The following FGF13 variants were observed in gnomAD, a reference collection of about 807,000 sequenced individuals.
The protein encoded by FGF13 is fibroblast growth factor homologous factor 2.
In FGF13, 2 loss-of-function variants were observed where a neutral mutation model predicts 19.5. The ratio of observed to expected loss-of-function variants is 0.10; its 90% CI spans 0.04 to 0.32. FGF13 has a LOEUF of 0.32. Among genes scored for constraint, FGF13 ranks in the 10% least tolerant of loss-of-function variants. The pLI, the probability that FGF13 is intolerant of heterozygous loss-of-function variation, is 1.00. For synonymous variants in FGF13, 72 were observed against 76.9 expected, an observed-to-expected ratio of 0.94 and a Z score of 0.33; for missense variants, 113 against 192.7, an observed-to-expected ratio of 0.59 and a Z score of 2.45.
chrX:139,157,379 T>C (rs1379244336), intron 1 of FGF13, among the ~76,000 whole-genome samples: 1 of 112,035 alleles, frequency 8.9e-6, no homozygotes, highest in African/African-American at 3.2e-5. Context: ...TGCTATGGTT[T>C]AAATGTATCC....
chrX:138,887,974 C>T (rs1278878474), intron 1 of FGF13, among the ~76,000 whole-genome samples: 1 of 112,121 alleles, frequency 8.9e-6, no homozygotes, highest in African/African-American at 3.2e-5. Context: ...TTTCTCTCCT[C>T]AGAGCTTCTC....
At chrX:138,771,384 T>C (rs1412222196) in intron 3 of FGF13, among the ~76,000 whole-genome samples, 4 of 111,811 alleles carry the variant, frequency 3.6e-5, no homozygotes, top group East Asian at 2.8e-4. Context: ...AGATGAAATA[T>C]AGGGTGCCAA....
intron 3 of FGF13, among the ~76,000 whole-genome samples, chrX:138,697,401 C>A (rs1332886233): frequency 9.1e-6 from 1 of 109,988 alleles, no homozygotes; most frequent in Non-Finnish European, 1.9e-5. Context: ...ATCAGTAACA[C>A]AAGCTGTCTC....
intron 1 of FGF13, among the ~76,000 whole-genome samples, chrX:138,874,595 A>C (rs1192007552): frequency 8.9e-6 from 1 of 111,737 alleles, no homozygotes. Flanking sequence ...AGCTTGAAAA[A>C]GATGTTTTGG....
In FGF13 at chrX:138,937,116, C is replaced by G. The variant is rs189314559; in HGVS notation, c.-112-72466G>C. Among the ~76,000 whole-genome samples, 24 of 110,498 alleles carry G rather than the reference C, an allele frequency of 2.2e-4. No individual in the cohort carries two copies. The South Asian group carries it at 4.4e-3, about 20-fold the overall frequency. The stretch of plus-strand genomic sequence containing the variant: ...TTTTCTCTCCAGTCCATCTCTACCC[C>G]CTCCTTTATAGAGCTTAGTAGAAAC... On this transcript the variant is annotated intron_variant, in intron 1 of 2. Transcript: ENST00000421460.
upstream of FGF13, among the ~76,000 whole-genome samples, chrX:138,740,624 G>A (rs1347830133): frequency 9.0e-6 from 1 of 111,006 alleles, no homozygotes; most frequent in East Asian, 2.9e-4. Context: ...ATCAAACACC[G>A]TCCCCTATAC....
chrX:138,857,766 A>G, intron 2 of FGF13: 2 of 806,792 alleles, frequency 2.5e-6, no homozygotes, highest in Non-Finnish European at 3.3e-6. Flanking sequence ...CCCAGGGAAG[A>G]CTAAAGAAAC....
intron 1 of FGF13, chrX:138,985,188 C>T (rs2091990372): frequency 1.8e-5 from 5 of 272,129 alleles, no homozygotes; most frequent in Non-Finnish European, 3.6e-5. Context: ...TATGTTGTGA[C>T]AAGCAACTAA....
intron 3 of FGF13, among the ~76,000 whole-genome samples, chrX:138,816,789 G>T (rs765707847): frequency 1.8e-5 from 2 of 111,390 alleles, no homozygotes; most frequent in African/African-American, 6.5e-5. Context: ...ATCAGCTATT[G>T]TTACTGTTAG....
At chrX:138,873,805 A>G (rs2091371265) in intron 1 of FGF13, among the ~76,000 whole-genome samples, 1 of 110,929 alleles carries the variant, frequency 9.0e-6, no homozygotes. Context: ...CATATACACC[A>G]TGGAATACTA....
At chrX:138,923,690 T>C (rs1025983644) in intron 1 of FGF13, among the ~76,000 whole-genome samples, 4 of 111,923 alleles carry the variant, frequency 3.6e-5, no homozygotes, top group Non-Finnish European at 7.5e-5. Context: ...CCTATATGTC[T>C]CCTCCTCTTT....
At chrX:138,638,105 G>A (rs2089204346) in intron 3 of FGF13, among the ~76,000 whole-genome samples, 1 of 111,439 alleles carries the variant, frequency 9.0e-6, no homozygotes, top group Admixed American at 9.6e-5. Flanking sequence ...CTGGACTGCT[G>A]TCATAACATC....
intron 1 of FGF13, among the ~76,000 whole-genome samples, chrX:139,084,093 G>T (rs1332522795): frequency 9.1e-6 from 1 of 109,295 alleles, no homozygotes; most frequent in Non-Finnish European, 1.9e-5. Context: ...ATGAGATAAT[G>T]GAGGTAACAG....
intron 1 of FGF13, among the ~76,000 whole-genome samples, chrX:139,123,537 T>A (rs1387378892): frequency 8.9e-6 from 1 of 112,300 alleles, no homozygotes; most frequent in Non-Finnish European, 1.9e-5. Flanking sequence ...TCAGTTTAAA[T>A]GTCACCTCCT....
Position 138,789,343 on chromosome X carries a change from A to AT in FGF13, c.217+68168dup, listed in dbSNP as rs762868458. 6.3e-3 allele frequency among the ~76,000 whole-genome samples: 476 copies of AT among 75,656 alleles called. 4 individuals are homozygous for AT. The highest frequency in any genetic ancestry group is 0.014 in the Middle Eastern group (2 of 139). The allele number at this position is 75,656 out of a possible 115,157, so 65.7% of individuals were successfully genotyped here. On this transcript the variant is annotated intron_variant, in intron 3 of 6. Transcript: ENST00000436198. ...GCCACTACCCTCAGCTAATTTCCGT[A>AT]TTTTTTTTTTTTTTTTTTAGTAGAG...
intron 3 of FGF13, among the ~76,000 whole-genome samples, chrX:138,808,860 T>G (rs985520089): frequency 3.6e-5 from 4 of 111,898 alleles, no homozygotes; most frequent in African/African-American, 1.3e-4. Context: ...ATGGATAAAT[T>G]CCTGGACACA....
In FGF13 at chrX:139,072,222, C is replaced by T. The variant is rs1414180572; in HGVS notation, c.-113+131194G>A. 6.5e-5 allele frequency among the ~76,000 whole-genome samples: 7 copies of T among 107,048 alleles called. No homozygotes were observed. The East Asian group carries it at 2.1e-3, about 32-fold the overall frequency. The allele number at this position is 107,048 out of a possible 115,157, so 93.0% of individuals were successfully genotyped here. A position where few individuals can be genotyped will look rare whatever the true frequency, so the allele number is the denominator to read the frequency against. ...GCCCTAATCCAATAGCACTGGTGTC[C>T]TTATAAGAAAAGGAAGAGAGAACAG... On this transcript the variant is annotated intron_variant, in intron 1 of 2. Transcript: ENST00000421460.
rs183198132 is a variant in FGF13 at position 138,797,955 on chromosome X, T to C, written c.217+59557A>G. ...TGAAGTTGTTTATCAGCTTAAGGAG[T>C]TCTTGGGCTGAGATGATGAGGTTTT... On this transcript the variant is annotated intron_variant, in intron 3 of 6. Transcript: ENST00000436198. Among the ~76,000 whole-genome samples the C allele has an allele frequency of 3.6e-5, 4 of 111,608 alleles. No individual in the cohort carries two copies. The East Asian group carries it at 1.1e-3, about 31-fold the overall frequency.
At chrX:138,780,711 T>C (rs2090633735) in intron 3 of FGF13, among the ~76,000 whole-genome samples, 1 of 108,007 alleles carries the variant, frequency 9.3e-6, no homozygotes, top group African/African-American at 3.4e-5. Context: ...CACACATTAG[T>C]AATGGGAGAC....
Sources: gnomAD v4.1 joint callset for allele counts (sites outside exome capture counted in the v4.1 genomes callset) on GRCh38, gnomAD v4.1.1 for gene constraint, MANE v1.5 for transcripts, NCBI Gene and HGNC (gene_info 2026-07-23, HGNC 2026-07-21) for gene names.